The following NFKB2 variants were observed in gnomAD, a reference collection of about 807,000 sequenced individuals.
NFKB2 encodes nuclear factor kappa B subunit 2.
NFKB2 carries 21 observed loss-of-function variants against 109.3 expected under a neutral mutation model. The ratio of observed to expected loss-of-function variants is 0.19; its 90% confidence interval spans 0.14 to 0.28. The LOEUF is 0.28. Among genes scored for constraint, NFKB2 ranks in the 10% least tolerant of loss-of-function variants. The pLI is 1.00. For synonymous variants in NFKB2, 478 were observed against 489.9 expected (o/e 0.98, Z 0.32); for missense variants, 806 against 1,185.3 (o/e 0.68, Z 4.70).
In NFKB2 at chr10:102,397,872, T is replaced by C; in HGVS notation, c.662-109T>C. ...CTTTAGTAAATGTGTATATTGGGTG[T>C]TTCCTGCAGCTCCAGGGGTTGCTGA... On this transcript the variant is annotated intron_variant, in intron 8 of 22. Coordinates refer to ENST00000661543, the MANE Select transcript of NFKB2 (RefSeq NM_001322934.2). This position sits in a 1 kb window ranked among gnomAD's most constrained non-coding sequence, Gnocchi z 4.7. 2 of 1,299,664 alleles carry C rather than the reference T, an allele frequency of 1.5e-6. No individual in the cohort carries two copies. Among genetic ancestry groups the C allele is most frequent in the South Asian group, 1.3e-5 (1 of 79,058 alleles). The allele number at this position is 1,299,664 out of a possible 1,614,324, so 80.5% of individuals were successfully genotyped here.
chr10:102,396,235 A>T lies in NFKB2; in HGVS notation c.22-18A>T, dbSNP rs1467675377. The T allele has an allele frequency of 6.3e-7, 1 of 1,598,068 alleles. No homozygotes were observed. The highest frequency in any genetic ancestry group is 8.6e-7 in the Non-Finnish European group (1 of 1,167,338). ...GTGCTGAGAGTCGGATGCCACCCCC[A>T]GTCTGTCTCCAAACCAGGGTCTGGA... On this transcript the variant is annotated intron_variant, in intron 2 of 22. Transcript: ENST00000661543. The surrounding 1 kb of genome is among the most constrained non-coding windows in gnomAD (Gnocchi z 5.9).
At chr10:102,395,582 G>A (rs2061090702), upstream of NFKB2, 2 of 389,382 alleles carry the variant, frequency 5.1e-6, no homozygotes, top group South Asian at 3.5e-5. Context: ...GCGGGAGCCC[G>A]TAGACTGTCG....
Position 102,400,049 on chromosome 10 carries a change from C to G in NFKB2, c.1470-31C>G. On this transcript the variant is annotated intron_variant, in intron 14 of 22. Transcript: ENST00000661543. This position sits in a 1 kb window ranked among gnomAD's most constrained non-coding sequence, Gnocchi z 6.3. ...TGAAAGCGAAGGATGCTCTGAGTGG[C>G]TGGGCCAGACTCTCGCTCCCCAACC... is the stretch of plus-strand genomic sequence containing the variant. The G allele has an allele frequency of 6.2e-7, 1 of 1,602,714 alleles. No individual in the cohort carries two copies.
At position 102,398,360 on chromosome 10, in the gene NFKB2, C is replaced by A; in HGVS notation, c.853-25C>A. ...AAATTAGGCTAAGGACTCACTGACA[C>A]CCTGTGTCTCCCTGCACCCCCCAGT... On this transcript the variant is annotated intron_variant, in intron 10 of 22. Coordinates refer to ENST00000661543, the MANE Select transcript of NFKB2 (RefSeq NM_001322934.2). This position sits in a 1 kb window ranked among gnomAD's most constrained non-coding sequence, Gnocchi z 6.6. The A allele has an allele frequency of 1.2e-6, 2 of 1,613,996 alleles. No individual in the cohort carries two copies. Among genetic ancestry groups the A allele is most frequent in the Non-Finnish European group, 1.7e-6 (2 of 1,179,946 alleles).
In NFKB2 at chr10:102,397,930, T is replaced by G. The variant is rs778718808; in HGVS notation, c.662-51T>G. 1 of 1,574,316 alleles carries G rather than the reference T, an allele frequency of 6.4e-7. No homozygotes were observed. The highest frequency in any genetic ancestry group is 1.1e-5 in the South Asian group (1 of 90,182). ...AATACAAAGCCCCCAGCTTCTTAAA[T>G]GTGGCCTTGGCTATTGCATCATCTC... On this transcript the variant is annotated intron_variant, in intron 8 of 22. Coordinates refer to ENST00000661543, the MANE Select transcript of NFKB2 (RefSeq NM_001322934.2). This position sits in a 1 kb window ranked among gnomAD's most constrained non-coding sequence, Gnocchi z 4.7.
intron 12 of NFKB2, 127 bp from the exon 13 acceptor site, chr10:102,399,161 G>A (rs2061170134): frequency 2.1e-6 from 2 of 966,418 alleles, no homozygotes; most frequent in Non-Finnish European, 3.1e-6. Flanking sequence ...GTTGCAGTAA[G>A]CTGAGATCAC....
Position 102,398,674 on chromosome 10 carries a change from T to C in NFKB2, c.992-65T>C. Reference sequence around the variant, plus strand: ...CCTAGGAGCCGGCCCTGAGGGCTCTTCTGGGAAGGGCCCCTGAGGCATGAC... The same window carrying C: ...CCTAGGAGCCGGCCCTGAGGGCTCTCCTGGGAAGGGCCCCTGAGGCATGAC... On this transcript the variant is annotated intron_variant, in intron 11 of 22. Transcript: ENST00000661543. This position sits in a 1 kb window ranked among gnomAD's most constrained non-coding sequence, Gnocchi z 6.6. The C allele has an allele frequency of 6.2e-7, 1 of 1,611,868 alleles. No homozygotes were observed.
chr10:102,395,920 G>GGCC lies in NFKB2; in HGVS notation c.-38_-36dup, dbSNP rs984746338. 1 of 1,607,786 alleles carries GGCC rather than the reference G, an allele frequency of 6.2e-7. No homozygotes were observed. The highest frequency in any genetic ancestry group is 8.5e-7 in the Non-Finnish European group (1 of 1,178,416). ...TCTAAAATTCTGGGAAGCAGAACCT[G>GGCC]GCCGGAGCCACTAGACAGAGCCGGG... is the stretch of plus-strand genomic sequence containing the variant. On this transcript the variant is annotated 5_prime_UTR_variant, in exon 2 of 23. Transcript: ENST00000661543.
Position 102,396,054 on chromosome 10 carries a change from C to G in NFKB2, c.21+74C>G, listed in dbSNP as rs1022189053. 6.3e-7 allele frequency: 1 copy of G among 1,591,734 alleles called. No individual in the cohort carries two copies. Among genetic ancestry groups the G allele is most frequent in the African/African-American group, 1.3e-5 (1 of 74,546 alleles). Reference sequence around the variant, plus strand: ...GTCCACCTGTCTGCCCGAGCCCCCTCTGCTGCCTTACACCTGTATGCTCGC... The same window carrying G: ...GTCCACCTGTCTGCCCGAGCCCCCTGTGCTGCCTTACACCTGTATGCTCGC... On this transcript the variant is annotated intron_variant, in intron 2 of 22. Coordinates refer to ENST00000661543, the MANE Select transcript of NFKB2 (RefSeq NM_001322934.2). This position sits in a 1 kb window ranked among gnomAD's most constrained non-coding sequence, Gnocchi z 5.9.
chr10:102,400,531 G>A lies in NFKB2; in HGVS notation c.1798+40G>A, dbSNP rs1426297468. 4 of 1,587,564 alleles carry A rather than the reference G, an allele frequency of 2.5e-6. No homozygotes were observed. The highest frequency in any genetic ancestry group is 2.6e-6 in the Non-Finnish European group (3 of 1,166,426). ...TCACCTGACTAAGGGGGCAGGCGGGGACCAGGGAGGGTATCTGGCCAGTGC... is the reference window on the plus strand; with the variant it reads ...TCACCTGACTAAGGGGGCAGGCGGGAACCAGGGAGGGTATCTGGCCAGTGC... On this transcript the variant is annotated intron_variant, in intron 16 of 22. Transcript: ENST00000661543. This position sits in a 1 kb window ranked among gnomAD's most constrained non-coding sequence, Gnocchi z 6.3.
Position 102,396,160 on chromosome 10 carries a change from G to T in NFKB2, c.22-93G>T. The T allele has an allele frequency of 1.4e-6, 2 of 1,469,904 alleles. No individual in the cohort carries two copies. The highest frequency in any genetic ancestry group is 1.9e-6 in the Non-Finnish European group (2 of 1,061,760). The allele number at this position is 1,469,904 out of a possible 1,614,324, so 91.1% of individuals were successfully genotyped here. On this transcript the variant is annotated intron_variant, in intron 2 of 22. Transcript: ENST00000661543. The surrounding 1 kb of genome is among the most constrained non-coding windows in gnomAD (Gnocchi z 5.9). The stretch of plus-strand genomic sequence containing the variant: ...AGCTTTCTCTTGGGTCTGAGGAGGA[G>T]GGGGGAGTGACCACTGAAGACTTGG...
In NFKB2 at chr10:102,398,205, C is replaced by T. The variant is rs1001922617; in HGVS notation, c.767-7C>T. On this transcript the variant is annotated splice_polypyrimidine_tract_variant and splice_region_variant and intron_variant, in intron 9 of 22. Coordinates refer to ENST00000661543, the MANE Select transcript of NFKB2 (RefSeq NM_001322934.2). This position sits in a 1 kb window ranked among gnomAD's most constrained non-coding sequence, Gnocchi z 6.6. ...GAGCTGTGGCCAAGCTTCCGTTTTC[C>T]TTGTAGATGACATTGAGGTTCGGTT... 1.9e-6 allele frequency: 3 copies of T among 1,614,106 alleles called. No homozygotes were observed. The highest frequency in any genetic ancestry group is 2.5e-6 in the Non-Finnish European group (3 of 1,179,998).
At position 102,400,251 on chromosome 10, in the gene NFKB2, C is replaced by T. The variant is rs1420949078; in HGVS notation, c.1585-27C>T. On this transcript the variant is annotated intron_variant, in intron 15 of 22. Transcript: ENST00000661543. This position sits in a 1 kb window ranked among gnomAD's most constrained non-coding sequence, Gnocchi z 6.3. ...GGTTGGAAGGCAAGTGGGTCTCGGG[C>T]CTGGCTCACCCTGCTTTCATCCCCA... is the stretch of plus-strand genomic sequence containing the variant. 5 of 1,613,826 alleles carry T rather than the reference C, an allele frequency of 3.1e-6. No individual in the cohort carries two copies. Among genetic ancestry groups the T allele is most frequent in the Non-Finnish European group, 4.2e-6 (5 of 1,179,970 alleles).
chr10:102,395,755 A>T lies in NFKB2; in HGVS notation c.-114A>T. ...AGCCCAACTCCGGATCTCGCTCTCC[A>T]CCGGATCTCACCCGCCACACCCGGA... On this transcript the variant is annotated 5_prime_UTR_variant, in exon 1 of 23. Transcript: ENST00000661543. The T allele has an allele frequency of 4.9e-6, 3 of 609,266 alleles. No individual in the cohort carries two copies. The highest frequency in any genetic ancestry group is 8.8e-6 in the Non-Finnish European group (3 of 342,428). 37.7% of individuals were successfully genotyped at this position (609,266 alleles called of 1,614,324 possible). A position where few individuals can be genotyped will look rare whatever the true frequency, so the allele number is the denominator to read the frequency against.
rs928147057 is a variant in NFKB2 at position 102,401,728 on chromosome 10, A to T, written c.2294-17A>T. The stretch of plus-strand genomic sequence containing the variant: ...CTCTGGAGGTAAATGACATGTCTGT[A>T]TGTGTGTCCCCCTAAGGGCCGGGAC... On this transcript the variant is annotated splice_polypyrimidine_tract_variant and intron_variant, in intron 20 of 22. Coordinates refer to ENST00000661543, the MANE Select transcript of NFKB2 (RefSeq NM_001322934.2). This position sits in a 1 kb window ranked among gnomAD's most constrained non-coding sequence, Gnocchi z 4.2. The T allele has an allele frequency of 3.2e-6, 5 of 1,586,298 alleles. No individual in the cohort carries two copies. Among genetic ancestry groups the T allele is most frequent in the Non-Finnish European group, 4.3e-6 (5 of 1,164,646 alleles).
At chr10:102,395,701 C>G, upstream of NFKB2, 4 of 584,978 alleles carry the variant, frequency 6.8e-6, no homozygotes, top group South Asian at 8.1e-5. Flanking sequence ...TCCTAAGCTG[C>G]TCTAACTTTC....
intron 12 of NFKB2, 29 bp from the exon 13 acceptor site, chr10:102,399,259 G>T (rs775469138): frequency 2.0e-6 from 3 of 1,530,682 alleles, no homozygotes; most frequent in Non-Finnish European, 2.7e-6. Context: ...GCTGGTGCCC[G>T]CTTCCCACAG....
chr10:102,397,260 A>G lies in NFKB2; in HGVS notation c.396-42A>G, dbSNP rs2061131947. ...GCAATGGGAAAGGTGCCTCAGGAAG[A>G]AAGAACTGCATGGCCAAAGGCCTCC... On this transcript the variant is annotated intron_variant, in intron 6 of 22. Transcript: ENST00000661543. The surrounding 1 kb of genome is among the most constrained non-coding windows in gnomAD (Gnocchi z 4.7). The G allele has an allele frequency of 6.3e-7, 1 of 1,597,964 alleles. No individual in the cohort carries two copies. Among genetic ancestry groups the G allele is most frequent in the South Asian group, 1.1e-5 (1 of 90,564 alleles).
At position 102,401,103 on chromosome 10, in the gene NFKB2, G is replaced by A. The variant is rs924291841; in HGVS notation, c.2071+54G>A. 3 of 1,611,622 alleles carry A rather than the reference G, an allele frequency of 1.9e-6. No individual in the cohort carries two copies. The highest frequency in any genetic ancestry group is 2.5e-6 in the Non-Finnish European group (3 of 1,178,180). ...CAGGGTGGGGGGAAGGGAGAGAGGT[G>A]CCTCCCAGTCCCCCGACTTTGCAGT... On this transcript the variant is annotated intron_variant, in intron 18 of 22. Transcript: ENST00000661543. The surrounding 1 kb of genome is among the most constrained non-coding windows in gnomAD (Gnocchi z 4.2).
Sources: gnomAD v4.1 joint callset for allele counts on GRCh38, gnomAD v4.1.1 for gene constraint, Gnocchi (gnomAD v3.1) non-coding constraint, MANE v1.5 for transcripts, NCBI Gene and HGNC (gene_info 2026-07-23, HGNC 2026-07-21) for gene names.